Variants in XAF1 observed in about 807,000 individuals in gnomAD.
The protein encoded by XAF1 is XIAP-associated factor 1.
Under a neutral mutation model 32.3 loss-of-function variants are expected in XAF1, and 32 were observed. That is an observed-to-expected ratio of 0.99 (90% CI 0.75 to 1.33). XAF1 has a LOEUF of 1.33. XAF1 is among the 40% of genes most tolerant of loss of function. The probability of loss-of-function intolerance (pLI) is 0.00; values close to 1 mark genes in which losing one functional copy is unlikely to be tolerated. For synonymous variants in XAF1, 120 were observed against 125.9 expected, an observed-to-expected ratio of 0.95 and a Z score of 0.31; for missense variants, 379 against 366.0, an observed-to-expected ratio of 1.04 and a Z score of -0.29.
At chr17:6,771,586 A>G (rs200211195) in intron 6 of XAF1, 2 of 152,226 alleles carry the variant, frequency 1.3e-5, no homozygotes, top group East Asian at 3.8e-4. Context: ...ATCATAAACA[A>G]TAGGCATGCA....
chr17:6,770,607 T>C, intron 5 of XAF1, 36 bp from the exon 6 acceptor site: 6 of 1,504,806 alleles, frequency 4.0e-6, no homozygotes, highest in Non-Finnish European at 5.4e-6. Context: ...AAAGCTGAAG[T>C]CATTTTAAAA....
intron 5 of XAF1, among the ~76,000 whole-genome samples, chr17:6,763,181 G>A (rs1975348712): frequency 6.6e-6 from 1 of 152,152 alleles, no homozygotes; most frequent in Non-Finnish European, 1.5e-5. Context: ...CTATGGATTT[G>A]TCTATTCTGG....
At position 6,773,282 on chromosome 17, in the gene XAF1, T is replaced by TTTAAAAGAAAAGGTTTGGCAGAAC; in HGVS notation, c.*115_*138dup. On this transcript the variant is annotated 3_prime_UTR_variant, in exon 7 of 7. Transcript: ENST00000361842. The stretch of plus-strand genomic sequence containing the variant: ...AGGTGATGGGTTTTATTCGTTGGGC[T>TTTAAAAGAAAAGGTTTGGCAGAAC]TTAAAAGAAAAGGTTTGGCAGAACT... The TTTAAAAGAAAAGGTTTGGCAGAAC allele has an allele frequency of 3.1e-6, 3 of 963,774 alleles. No homozygotes were observed. The highest frequency in any genetic ancestry group is 4.4e-6 in the Non-Finnish European group (3 of 676,938). The allele number at this position is 963,774 out of a possible 1,614,324, so 59.7% of individuals were successfully genotyped here. A position where few individuals can be genotyped will look rare whatever the true frequency, so the allele number is the denominator to read the frequency against.
intron 5 of XAF1, among the ~76,000 whole-genome samples, chr17:6,763,127 C>T (rs184614529): frequency 4.6e-5 from 7 of 152,310 alleles, no homozygotes; most frequent in African/African-American, 1.7e-4. Flanking sequence ...TGTACATTCC[C>T]TCATCTTCCC....
At position 6,773,412 on chromosome 17, in the gene XAF1, A is replaced by G; in HGVS notation, c.*243A>G. 1 of 423,812 alleles carries G rather than the reference A, an allele frequency of 2.4e-6. No individual in the cohort carries two copies. Among genetic ancestry groups the G allele is most frequent in the Non-Finnish European group, 4.2e-6 (1 of 239,594 alleles). The allele number at this position is 423,812 out of a possible 1,614,324, so 26.3% of individuals were successfully genotyped here. A position where few individuals can be genotyped will look rare whatever the true frequency, so the allele number is the denominator to read the frequency against. On this transcript the variant is annotated 3_prime_UTR_variant, in exon 7 of 7. Coordinates refer to ENST00000361842, the MANE Select transcript of XAF1 (RefSeq NM_017523.5). ...CCTCAACAAACCAGGCGTCGAAGGA[A>G]CATACCTCAAAATAATAAGAGCCAT...
rs967153271 is a variant in XAF1, at chr17:6,775,513, G to A, written c.*2344G>A. On this transcript the variant is annotated 3_prime_UTR_variant, in exon 7 of 7. Transcript: ENST00000361842. ...GCCCAAGGACTACAAATAAACCAAC[G>A]GGAAAAAAGAAAGGTTCCAGTTTTG... 2.6e-5 allele frequency: 4 copies of A among 152,172 alleles called. No homozygotes were observed. The highest frequency in any genetic ancestry group is 2.1e-4 in the South Asian group (1 of 4,828). The allele number at this position is 152,172 out of a possible 1,614,324, so 9.4% of individuals were successfully genotyped here.
In XAF1 at chr17:6,770,869, C is replaced by T. The variant is rs772779329; in HGVS notation, c.734C>T (p.Ser245Leu). The change falls in exon 6 of 7, where the codon TCA (serine) becomes TTA (leucine). Residue 245 changes from serine to leucine, a missense_variant. Coordinates refer to ENST00000361842, the MANE Select transcript of XAF1 (RefSeq NM_017523.5). ...KNKTLDPLLM[S>L]EPKPRTSSPR... ...AAAACCTTGGATCCACTTTTGATGT[C>T]AGAGCCCAAGCCCAGGACCAGCTCC... is the stretch of plus-strand genomic sequence containing the variant. 1.2e-6 allele frequency: 2 copies of T among 1,614,080 alleles called. No homozygotes were observed. The highest frequency in any genetic ancestry group is 1.3e-5 in the African/African-American group (1 of 75,020).
chr17:6,772,125 A>C (rs928375866), intron 6 of XAF1, among the ~76,000 whole-genome samples: 1 of 152,072 alleles, frequency 6.6e-6, no homozygotes, highest in East Asian at 1.9e-4. Context: ...GGTTCATTTC[A>C]TATTTGCTGG....
chr17:6,759,814 A>G, intron 3 of XAF1, 96 bp downstream of exon 3: 2 of 1,588,840 alleles, frequency 1.3e-6, no homozygotes, highest in African/African-American at 2.9e-5. Flanking sequence ...AGAGATTTCC[A>G]CCTGACCACT....
At chr17:6,759,253 C>T in intron 2 of XAF1, 1 of 1,111,514 alleles carries the variant, frequency 9.0e-7, no homozygotes, top group Non-Finnish European at 1.1e-6. Flanking sequence ...CCTTTCCCTA[C>T]AGGCTTATGG....
At position 6,759,654 on chromosome 17, in the gene XAF1, G is replaced by A; in HGVS notation, c.169-8G>A. The stretch of plus-strand genomic sequence containing the variant: ...GGTGTGTGTGTGTGTGTGTGTGTGT[G>A]TGTTTAGGTTGGGTGTACGATGTGT... On this transcript the variant is annotated splice_polypyrimidine_tract_variant and splice_region_variant and intron_variant, in intron 2 of 6. Coordinates refer to ENST00000361842, the MANE Select transcript of XAF1 (RefSeq NM_017523.5). The A allele has an allele frequency of 6.2e-7, 1 of 1,612,784 alleles. No homozygotes were observed. The highest frequency in any genetic ancestry group is 8.5e-7 in the Non-Finnish European group (1 of 1,180,002).
intron 6 of XAF1, 195 bp from the exon 7 acceptor site, chr17:6,772,918 G>A: frequency 3.9e-6 from 2 of 514,044 alleles, no homozygotes; most frequent in Non-Finnish European, 3.4e-6. Context: ...GATAGCAACA[G>A]GCCCCTGTTA....
rs75191221 is a variant in XAF1 at position 6,756,065 on chromosome 17, G to T, written c.-14G>T. Reference sequence around the variant, plus strand: ...AGAAACGAAACTCAACCGAAAGCCTGCAGAGAGCAGAACATGGAAGGAGAC... The same window carrying T: ...AGAAACGAAACTCAACCGAAAGCCTTCAGAGAGCAGAACATGGAAGGAGAC... On this transcript the variant is annotated 5_prime_UTR_variant, in exon 1 of 7. Coordinates refer to ENST00000361842, the MANE Select transcript of XAF1 (RefSeq NM_017523.5). The T allele has an allele frequency of 2.3e-3, 3,640 of 1,613,930 alleles. 75 individuals carry two copies. In the African/African-American group the frequency reaches 0.044, roughly 19 times the overall value.
At chr17:6,760,817 G>T (rs1471860449) in intron 4 of XAF1, among the ~76,000 whole-genome samples, 1 of 152,190 alleles carries the variant, frequency 6.6e-6, no homozygotes, top group Non-Finnish European at 1.5e-5. Flanking sequence ...AGGGAGACTA[G>T]GAGGCCGGGG....
rs753822335 is a variant in XAF1, at chr17:6,756,095, C to T, written c.17C>T (p.Ser6Leu). The change falls in exon 1 of 7, where the codon TCG (serine) becomes TTG (leucine). Residue 6 changes from serine to leucine, a missense_variant. Physicochemically the swap from Ser to Leu is moderately radical, Grantham distance 145 (BLOSUM62 -2). Coordinates refer to ENST00000361842, the MANE Select transcript of XAF1 (RefSeq NM_017523.5). MEGDF[S>L]VCRNCKRHVV... is the part of the protein sequence containing the mutation. ...GAGCAGAACATGGAAGGAGACTTCT[C>T]GGTGTGCAGGAACTGGTAAGAAAGT... 5.6e-6 allele frequency: 9 copies of T among 1,613,828 alleles called. No homozygotes were observed. Among genetic ancestry groups the T allele is most frequent in the South Asian group, 5.5e-5 (5 of 91,048 alleles).
intron 5 of XAF1, among the ~76,000 whole-genome samples, chr17:6,768,202 C>A (rs1460549936): frequency 6.6e-6 from 1 of 151,956 alleles, no homozygotes; most frequent in Non-Finnish European, 1.5e-5. Flanking sequence ...TGGCTCACTG[C>A]AGCCTTCGCC....
At chr17:6,762,263 C>T in intron 5 of XAF1, 23 bp downstream of exon 5, 1 of 1,572,466 alleles carries the variant, frequency 6.4e-7, no homozygotes, top group Non-Finnish European at 8.6e-7. Flanking sequence ...TAGTAATTTT[C>T]TAATGGTGCC....
chr17:6,768,585 T>C (rs1202468010), intron 5 of XAF1, among the ~76,000 whole-genome samples: 1 of 152,202 alleles, frequency 6.6e-6, no homozygotes, highest in Non-Finnish European at 1.5e-5. Flanking sequence ...AAGCTTTTTG[T>C]TTTTTGCATC....
At chr17:6,765,277 G>A (rs1244661671) in intron 5 of XAF1, among the ~76,000 whole-genome samples, 2 of 152,068 alleles carry the variant, frequency 1.3e-5, no homozygotes, top group East Asian at 1.9e-4. Flanking sequence ...GCCGGGTGTG[G>A]TGGTGGGTGA....
Sources: gnomAD v4.1 joint callset for allele counts (sites outside exome capture counted in the v4.1 genomes callset) on GRCh38, gnomAD v4.1.1 for gene constraint, MANE v1.5 for transcripts, NCBI Gene and HGNC (gene_info 2026-07-23, HGNC 2026-07-21) for gene names.